The following ZNF251 variants were observed in gnomAD, a reference collection of about 807,000 sequenced individuals.
The protein encoded by ZNF251 is zinc finger protein 251.
Under a neutral mutation model 13.5 loss-of-function variants are expected in ZNF251, and 14 were observed. The observed-to-expected ratio is 1.04, with a 90% CI of 0.69 to 1.63. ZNF251 has a LOEUF of 1.63. Among genes scored for constraint, ZNF251 ranks in the 40% most tolerant of loss-of-function variants. ZNF251 has a pLI of 0.00. For synonymous variants in ZNF251, 287 were observed against 295.2 expected (o/e 0.97, Z 0.28); for missense variants, 764 against 834.9 (o/e 0.92, Z 1.05).
intron 4 of ZNF251, among the ~76,000 whole-genome samples, chr8:144,745,410 A>G (rs1385924332): frequency 6.6e-6 from 1 of 152,130 alleles, no homozygotes; most frequent in African/African-American, 2.4e-5. Flanking sequence ...GCTTTATAGT[A>G]AAAGTACTGA....
At chr8:144,732,538 C>CAT (rs1823727950) in intron 4 of ZNF251, among the ~76,000 whole-genome samples, 1 of 152,126 alleles carries the variant, frequency 6.6e-6, no homozygotes, top group Non-Finnish European at 1.5e-5. Context: ...CCAAGCCGGG[C>CAT]GCGGTGGCTC....
At chr8:144,744,200 TG>T (rs1824307055) in intron 4 of ZNF251, among the ~76,000 whole-genome samples, 1 of 151,808 alleles carries the variant, frequency 6.6e-6, no homozygotes, top group Non-Finnish European at 1.5e-5. Context: ...TTAGTAGAGA[TG>T]GGGTTTCACC....
intron 4 of ZNF251, among the ~76,000 whole-genome samples, chr8:144,732,214 AT>A (rs1823718988): frequency 6.6e-6 from 1 of 152,104 alleles, no homozygotes; most frequent in African/African-American, 2.4e-5. Flanking sequence ...AAGTGTTGGG[AT>A]TACAGGTGTG....
chr8:144,737,578 C>T (rs1823953755), intron 4 of ZNF251, among the ~76,000 whole-genome samples: 2 of 151,876 alleles, frequency 1.3e-5, no homozygotes, highest in Admixed American at 1.3e-4. Context: ...CCTGTAATCC[C>T]AGCACTTTGG....
At chr8:144,728,877 T>C (rs536964157) in intron 4 of ZNF251, among the ~76,000 whole-genome samples, 2 of 151,420 alleles carry the variant, frequency 1.3e-5, no homozygotes, top group East Asian at 3.9e-4. Flanking sequence ...TCACCTGAGG[T>C]CAGAAGTTTG....
chr8:144,744,009 C>CTTTTTTTTTT (rs1168495446), intron 4 of ZNF251, among the ~76,000 whole-genome samples: 2 of 88,828 alleles, frequency 2.3e-5, no homozygotes, highest in Non-Finnish European at 4.2e-5. Context: ...CTCTCGTTGT[C>CTTTTTTTTTT]TTTTTTTTTT....
Position 144,722,133 on chromosome 8 carries a change from T to C in ZNF251, c.1527A>G (p.Lys509=). The C allele has an allele frequency of 6.2e-7, 1 of 1,614,126 alleles. No individual in the cohort carries two copies. Reference sequence around the variant, plus strand: ...ACTTACGAGTCTCTCCGCTGTGAACTTTCTGATGCTGAATGAGGGTTGACC... The same window carrying C: ...ACTTACGAGTCTCTCCGCTGTGAACCTTCTGATGCTGAATGAGGGTTGACC... ...SRRSTLIQHQ[K]VHSGETRKCR... The change falls in exon 5 of 5, where the codon AAA becomes AAG. Residue 509 remains lysine, a synonymous_variant. Coordinates refer to ENST00000292562, the MANE Select transcript of ZNF251 (RefSeq NM_138367.2). This position sits in a 1 kb window ranked among gnomAD's most constrained non-coding sequence, Gnocchi z 4.8.
intron 4 of ZNF251, among the ~76,000 whole-genome samples, chr8:144,725,828 C>T (rs886837821): frequency 6.6e-6 from 1 of 152,108 alleles, no homozygotes; most frequent in Non-Finnish European, 1.5e-5. Flanking sequence ...AATCCCTAAA[C>T]AAAATTTTCA....
chr8:144,726,749 A>G (rs1020221939), intron 4 of ZNF251, among the ~76,000 whole-genome samples: 11 of 152,084 alleles, frequency 7.2e-5, no homozygotes, highest in African/African-American at 2.2e-4. Flanking sequence ...AGGTGCCTGT[A>G]GTCCCAGCTA....
chr8:144,729,088 GGAAAAAA>G (rs1403807529), intron 4 of ZNF251, among the ~76,000 whole-genome samples: 1 of 67,396 alleles, frequency 1.5e-5, no homozygotes, highest in Non-Finnish European at 2.8e-5. Context: ...CTCCATCTAT[GGAAAAAA>G]AAAAAAAAAA....
At position 144,734,374 on chromosome 8, in the gene ZNF251, T is replaced by C. The variant is rs527590765; in HGVS notation, c.278-10992A>G. On this transcript the variant is annotated intron_variant, in intron 4 of 4. Transcript: ENST00000292562. The surrounding 1 kb of genome is among the most constrained non-coding windows in gnomAD (Gnocchi z 4.4). ...CAGCGGGTGTCACGGGTCTAATCCC[T>C]GGCACAAACCGGCTACGATTGGTGG... 1.3e-5 allele frequency among the ~76,000 whole-genome samples: 2 copies of C among 152,356 alleles called. No individual in the cohort carries two copies. Among genetic ancestry groups the C allele is most frequent in the Admixed American group, 6.5e-5 (1 of 15,300 alleles).
At chr8:144,752,678 G>A (rs1431101204) in intron 4 of ZNF251, among the ~76,000 whole-genome samples, 1 of 152,174 alleles carries the variant, frequency 6.6e-6, no homozygotes, top group Non-Finnish European at 1.5e-5. Context: ...TAGAAGACAA[G>A]CTCCAGCCAA....
intron 4 of ZNF251, among the ~76,000 whole-genome samples, chr8:144,728,342 G>C (rs552156173): frequency 1.3e-5 from 2 of 152,110 alleles, no homozygotes; most frequent in African/African-American, 4.8e-5. Context: ...AAAGATCGCA[G>C]ATCACAGAGC....
chr8:144,721,654 C>T lies in ZNF251; in HGVS notation c.2006G>A (p.Arg669Lys). The T allele has an allele frequency of 1.5e-6, 2 of 1,341,516 alleles. No homozygotes were observed. Among genetic ancestry groups the T allele is most frequent in the Non-Finnish European group, 9.6e-7 (1 of 1,036,682 alleles). 83.1% of individuals were successfully genotyped at this position (1,341,516 alleles called of 1,614,324 possible). Residue 669 changes from arginine to lysine, a missense_variant, in exon 5 of 5, where the codon AGA becomes AAA. Physicochemically the swap from Arg to Lys is conservative, Grantham distance 26. Transcript: ENST00000292562. Reference sequence around the variant, plus strand: ...TCTGCATTTATCACATTAAAAATGTCTTTCTTGGAAAATCTTCTTGATATG... The same window carrying T: ...TCTGCATTTATCACATTAAAAATGTTTTTCTTGGAAAATCTTCTTGATATG... ...FIHIKKIFQERHF is the reference protein window; with the variant it reads ...FIHIKKIFQEKHF
At chr8:144,740,024 G>A (rs1156907760) in intron 4 of ZNF251, among the ~76,000 whole-genome samples, 6 of 151,638 alleles carry the variant, frequency 4.0e-5, no homozygotes, top group African/African-American at 1.5e-4. Flanking sequence ...CATGGCTCAC[G>A]CCTGTAATCC....
intron 4 of ZNF251, among the ~76,000 whole-genome samples, chr8:144,740,614 CAACAA>C (rs2130011377): frequency 1.3e-5 from 2 of 150,074 alleles, no homozygotes; most frequent in South Asian, 4.2e-4. Flanking sequence ...CCAGCCTGGG[CAACAA>C]AACAAGACTA....
At chr8:144,731,752 G>GA (rs1823701415) in intron 4 of ZNF251, among the ~76,000 whole-genome samples, 1 of 150,112 alleles carries the variant, frequency 6.7e-6, no homozygotes, top group African/African-American at 2.5e-5. Context: ...ACGCCCTGCT[G>GA]ATTTTTTGTA....
At chr8:144,728,200 C>A (rs990362524) in intron 4 of ZNF251, among the ~76,000 whole-genome samples, 1 of 151,976 alleles carries the variant, frequency 6.6e-6, no homozygotes, top group African/African-American at 2.4e-5. Flanking sequence ...AATATGGAGG[C>A]CCTAGGAGAG....
At chr8:144,724,781 C>T (rs1159724420) in intron 4 of ZNF251, among the ~76,000 whole-genome samples, 3 of 152,100 alleles carry the variant, frequency 2.0e-5, no homozygotes, top group South Asian at 4.1e-4. Flanking sequence ...ATGAAAAGCT[C>T]ATATTACAAA....
Sources: gnomAD v4.1 joint callset for allele counts (sites outside exome capture counted in the v4.1 genomes callset) on GRCh38, gnomAD v4.1.1 for gene constraint, Gnocchi (gnomAD v3.1) non-coding constraint, MANE v1.5 for transcripts, NCBI Gene and HGNC (gene_info 2026-07-23, HGNC 2026-07-21) for gene names.